KMO: variants seen among roughly 807,000 people sequenced by gnomAD.
KMO encodes the protein kynurenine 3-monooxygenase.
KMO carries 24 observed loss-of-function variants against 57.8 expected under a neutral mutation model. That is an observed-to-expected ratio of 0.42 (90% CI 0.30 to 0.58). The LOEUF (loss-of-function observed/expected upper bound fraction) is 0.58, where lower values mean the gene tolerates loss of function less well. KMO is among the 20% of genes least tolerant of loss of function. The probability of loss-of-function intolerance (pLI) is 0.22; values close to 1 mark genes in which losing one functional copy is unlikely to be tolerated. For synonymous variants in KMO, 210 were observed against 193.6 expected (o/e 1.08, Z -0.70); for missense variants, 483 against 588.2 (o/e 0.82, Z 1.85).
At chr1:241,548,409 G>A (rs1297870027) in intron 1 of KMO, among the ~76,000 whole-genome samples, 1 of 152,188 alleles carries the variant, frequency 6.6e-6, no homozygotes, top group African/African-American at 2.4e-5. Context: ...GAGAGGAAGA[G>A]GACTGTAACT....
chr1:241,538,230 T>C (rs568825556), intron 1 of KMO, among the ~76,000 whole-genome samples: 5 of 152,276 alleles, frequency 3.3e-5, no homozygotes, highest in East Asian at 3.9e-4. Flanking sequence ...AAGTCACTTC[T>C]TGGGCATTTG....
intron 10 of KMO, 120 bp from the exon 11 acceptor site, chr1:241,586,559 G>T: frequency 1.3e-6 from 1 of 744,948 alleles, no homozygotes; most frequent in East Asian, 2.6e-5. Context: ...CTATGTACTA[G>T]TTGAGAATAA....
chr1:241,594,767 G>C lies in KMO; in HGVS notation c.*2614G>C. 4 of 1,523,424 alleles carry C rather than the reference G, an allele frequency of 2.6e-6. No homozygotes were observed. The highest frequency in any genetic ancestry group is 3.6e-6 in the Non-Finnish European group (4 of 1,125,598). 94.4% of individuals were successfully genotyped at this position (1,523,424 alleles called of 1,614,324 possible). On this transcript the variant is annotated 3_prime_UTR_variant, in exon 15 of 15. Coordinates refer to ENST00000366559, the MANE Select transcript of KMO (RefSeq NM_003679.5). Reference sequence around the variant, plus strand: ...TCTGGATTAACATTCGAGGAAATCAGTTGAGCTGAATTTAAGTTGTTTTTT... The same window carrying C: ...TCTGGATTAACATTCGAGGAAATCACTTGAGCTGAATTTAAGTTGTTTTTT...
At chr1:241,552,985 C>T (rs1340718748) in intron 4 of KMO, among the ~76,000 whole-genome samples, 2 of 152,070 alleles carry the variant, frequency 1.3e-5, no homozygotes, top group Non-Finnish European at 2.9e-5. Context: ...AAATGGCTCC[C>T]CCTTAGTAGA....
At chr1:241,579,073 T>A (rs1441844908) in intron 10 of KMO, among the ~76,000 whole-genome samples, 2 of 152,056 alleles carry the variant, frequency 1.3e-5, no homozygotes, top group Non-Finnish European at 2.9e-5. Flanking sequence ...CAATTCAAGA[T>A]GAGATTTGGG....
intron 5 of KMO, among the ~76,000 whole-genome samples, chr1:241,556,470 A>G (rs1216549469): frequency 1.3e-5 from 2 of 152,244 alleles, no homozygotes; most frequent in Non-Finnish European, 1.5e-5. Flanking sequence ...TTCAACATAT[A>G]CTGAATCCCT....
In KMO at chr1:241,588,853, A is replaced by G. The variant is rs766367559; in HGVS notation, c.1098+23A>G. 15 of 1,511,014 alleles carry G rather than the reference A, an allele frequency of 9.9e-6. No homozygotes were observed. The Admixed American group carries it at 2.5e-4, about 25-fold the overall frequency. 93.6% of individuals were successfully genotyped at this position (1,511,014 alleles called of 1,614,324 possible). ...GAGGTGAGTGAGAAGGTTTGGCTTT[A>G]TTCCATGAGATGGTTCACTGATATT... On this transcript the variant is annotated intron_variant, in intron 12 of 14. Transcript: ENST00000366559.
At chr1:241,547,374 G>A (rs1661189170) in intron 1 of KMO, among the ~76,000 whole-genome samples, 1 of 151,924 alleles carries the variant, frequency 6.6e-6, no homozygotes, top group Non-Finnish European at 1.5e-5. Flanking sequence ...TATTTTTAAT[G>A]TTTAAAAATG....
chr1:241,552,257 C>A (rs763589085), intron 4 of KMO, among the ~76,000 whole-genome samples: 1 of 151,884 alleles, frequency 6.6e-6, no homozygotes, highest in Non-Finnish European at 1.5e-5. Context: ...TCCCTTTTTG[C>A]GGCCTTCAAT....
At chr1:241,534,465 C>A (rs950134968) in intron 1 of KMO, among the ~76,000 whole-genome samples, 1 of 152,182 alleles carries the variant, frequency 6.6e-6, no homozygotes, top group African/African-American at 2.4e-5. Context: ...TTACTACTTG[C>A]GTATTAGGGA....
At chr1:241,589,093 T>C (rs1361743944) in intron 12 of KMO, among the ~76,000 whole-genome samples, 2 of 152,214 alleles carry the variant, frequency 1.3e-5, no homozygotes, top group Non-Finnish European at 2.9e-5. Flanking sequence ...TTCACATGCT[T>C]TTATCTTAGA....
At position 241,568,537 on chromosome 1, in the gene KMO, C is replaced by A. The variant is rs1490925070; in HGVS notation, c.847C>A (p.Gln283Lys). 6.2e-7 allele frequency: 1 copy of A among 1,613,764 alleles called. No homozygotes were observed. The highest frequency in any genetic ancestry group is 1.7e-5 in the Admixed American group (1 of 60,000). ...GCAAGATTTCTTCCTGTTGCCTGCC[C>A]AGCCCATGATATCTGTAAAGTGCTC... is the stretch of plus-strand genomic sequence containing the variant. ...LVQDFFLLPA[Q>K]PMISVKCSSF... Residue 283 changes from glutamine to lysine, a missense_variant, in exon 10 of 15, where the codon CAG becomes AAG. This residue lies in a region of KMO where 410 missense variants were observed against 492.3 expected (regional missense o/e 0.83). Coordinates refer to ENST00000366559, the MANE Select transcript of KMO (RefSeq NM_003679.5).
Position 241,536,656 on chromosome 1 carries a change from T to A in KMO, c.54+4158T>A, listed in dbSNP as rs1660764373. On this transcript the variant is annotated intron_variant, in intron 1 of 14. Transcript: ENST00000366559. ...TAGCATGTATTTTGGAGATGTATTTTAGGATATCATTCAAATATTTCTTCT... is the reference window on the plus strand; with the variant it reads ...TAGCATGTATTTTGGAGATGTATTTAAGGATATCATTCAAATATTTCTTCT... 3 of 211,150 alleles carry A rather than the reference T, an allele frequency of 1.4e-5. No homozygotes were observed. In the Admixed American group the frequency reaches 2.0e-4, roughly 14 times the overall value. 13.1% of individuals were successfully genotyped at this position (211,150 alleles called of 1,614,324 possible).
Position 241,532,479 on chromosome 1 carries a change from C to T in KMO, c.35C>T (p.Ala12Val). The change falls in exon 1 of 15, where the codon GCT becomes GTT. Residue 12 changes from alanine (A) to valine (V), a missense_variant. Ala to Val is a moderately conservative substitution (Grantham distance 64). This residue lies in a region of KMO where 70 missense variants were observed against 78.4 expected (regional missense o/e 0.89). Transcript: ENST00000366559. The part of the protein sequence containing the change: ...DSSVIQRKKV[A>V]VIGGGLVGSL... ...TCTGTCATTCAAAGGAAAAAAGTAG[C>T]TGTCATTGGTGGTGGCTTGGTAAGA... 1.2e-6 allele frequency: 2 copies of T among 1,609,982 alleles called. No homozygotes were observed. Among genetic ancestry groups the T allele is most frequent in the Non-Finnish European group, 1.7e-6 (2 of 1,178,914 alleles).
chr1:241,554,183 G>C (rs1344257677), intron 4 of KMO, among the ~76,000 whole-genome samples: 2 of 151,654 alleles, frequency 1.3e-5, no homozygotes, highest in Non-Finnish European at 1.5e-5. Context: ...ATAAAATCCA[G>C]GCCAGATTTA....
rs182231413 is a variant in KMO, at chr1:241,593,925, G to A, written c.*1772G>A. On this transcript the variant is annotated 3_prime_UTR_variant, in exon 15 of 15. Coordinates refer to ENST00000366559, the MANE Select transcript of KMO (RefSeq NM_003679.5). Reference sequence around the variant, plus strand: ...ATACTGCACATATAAAACGTCTTTTGTTTCCAACAAGAGGATTTTCTTTTT... The same window carrying A: ...ATACTGCACATATAAAACGTCTTTTATTTCCAACAAGAGGATTTTCTTTTT... The A allele has an allele frequency of 6.5e-6, 1 of 154,518 alleles. No individual in the cohort carries two copies. The highest frequency in any genetic ancestry group is 2.4e-5 in the African/African-American group (1 of 41,512). 9.6% of individuals were successfully genotyped at this position (154,518 alleles called of 1,614,324 possible).
intron 4 of KMO, among the ~76,000 whole-genome samples, chr1:241,552,666 T>G (rs1353042555): frequency 6.6e-6 from 1 of 152,164 alleles, no homozygotes; most frequent in African/African-American, 2.4e-5. Flanking sequence ...GATGCATGGG[T>G]CTGCTGAAGA....
chr1:241,549,265 GA>G (rs1553346358), intron 2 of KMO, among the ~76,000 whole-genome samples: 195 of 148,028 alleles, frequency 1.3e-3, no homozygotes, highest in African/African-American at 4.6e-3. Flanking sequence ...AAGAAAGAAA[GA>G]AAGGAAGGAA....
chr1:241,567,784 T>G (rs1662139090), intron 9 of KMO, among the ~76,000 whole-genome samples: 1 of 152,240 alleles, frequency 6.6e-6, no homozygotes, highest in Non-Finnish European at 1.5e-5. Context: ...AAGATAAATC[T>G]CTGCACACCA....
Sources: gnomAD v4.1 joint callset for allele counts (sites outside exome capture counted in the v4.1 genomes callset) on GRCh38, gnomAD v4.1.1 for gene constraint, gnomAD v4.1.1 regional missense constraint, MANE v1.5 for transcripts, NCBI Gene and HGNC (gene_info 2026-07-23, HGNC 2026-07-21) for gene names.